The following PRKCE variants were observed in gnomAD, a reference collection of about 807,000 sequenced individuals.
The protein encoded by PRKCE is protein kinase C epsilon type.
Under a neutral mutation model 85.4 loss-of-function variants are expected in PRKCE, and 16 were observed. The observed-to-expected ratio is 0.19, with a 90% CI of 0.13 to 0.28. PRKCE has a LOEUF of 0.28. Among genes scored for constraint, PRKCE ranks in the 10% least tolerant of loss-of-function variants. PRKCE has a pLI of 1.00. For missense variants in PRKCE, 573 were observed against 975.2 expected (o/e 0.59, Z 5.49); for synonymous variants, 388 against 371.5 (o/e 1.04, Z -0.51).
At chr2:45,953,370 C>A (rs1232513244) in intron 2 of PRKCE, among the ~76,000 whole-genome samples, 1 of 152,222 alleles carries the variant, frequency 6.6e-6, no homozygotes, top group African/African-American at 2.4e-5. Flanking sequence ...CATTACTGGA[C>A]TCCCTGCCCA....
At position 46,086,308 on chromosome 2, in the gene PRKCE, C is replaced by T; in HGVS notation, c.1538C>T (p.Ala513Val). ...KFDEPRSRFY[A>V]AEVTSALMFL... is the part of the protein sequence containing the mutation. ...GACGAGCCTCGTTCACGGTTCTATG[C>T]TGCAGAGGTCACATCGGCCCTCATG... The change falls in exon 11 of 15, where the codon GCT becomes GTT. Residue 513 changes from alanine (A) to valine (V), a missense_variant. Physicochemically the swap from Ala to Val is moderately conservative, Grantham distance 64. This residue lies in a region of PRKCE where 89 missense variants were observed against 154.1 expected (regional missense o/e 0.58). Coordinates refer to ENST00000306156, the MANE Select transcript of PRKCE (RefSeq NM_005400.3). 3 of 1,599,686 alleles carry T rather than the reference C, an allele frequency of 1.9e-6. No individual in the cohort carries two copies. The South Asian group carries it at 3.3e-5, about 18-fold the overall frequency.
chr2:45,898,782 G>C (rs1696346748), intron 2 of PRKCE, among the ~76,000 whole-genome samples: 1 of 152,158 alleles, frequency 6.6e-6, no homozygotes, highest in Non-Finnish European at 1.5e-5. Flanking sequence ...GGGTGGCTCT[G>C]AGGAGGGAGT....
intron 6 of PRKCE, chr2:46,000,967 T>A (rs1259253443): frequency 6.6e-6 from 1 of 152,216 alleles, no homozygotes; most frequent in Non-Finnish European, 1.5e-5. Flanking sequence ...TGCTGCTGAC[T>A]TCTAAGCCCC....
chr2:45,745,087 G>T (rs969617003), intron 1 of PRKCE, among the ~76,000 whole-genome samples: 1 of 152,198 alleles, frequency 6.6e-6, no homozygotes, highest in East Asian at 1.9e-4. Flanking sequence ...GGGAGGCAGG[G>T]AGTGAGGGGA....
chr2:45,726,209 A>G (rs1681059430), intron 1 of PRKCE, among the ~76,000 whole-genome samples: 3 of 152,248 alleles, frequency 2.0e-5, no homozygotes, highest in Admixed American at 2.0e-4. Flanking sequence ...ATTCACTGAT[A>G]AAGCAGCAGC....
chr2:46,153,752 T>C (rs1226432419), intron 13 of PRKCE, among the ~76,000 whole-genome samples: 1 of 151,110 alleles, frequency 6.6e-6, no homozygotes, highest in Non-Finnish European at 1.5e-5. Context: ...CCTCTTCCTC[T>C]TCTTCCTCCT....
At chr2:46,048,350 G>A (rs936009995) in intron 10 of PRKCE, among the ~76,000 whole-genome samples, 1 of 152,156 alleles carries the variant, frequency 6.6e-6, no homozygotes, top group Non-Finnish European at 1.5e-5. Flanking sequence ...AGTCTCAAGG[G>A]TATTAACAAA....
At chr2:45,878,455 C>T (rs1021586341) in intron 2 of PRKCE, among the ~76,000 whole-genome samples, 32 of 152,316 alleles carry the variant, frequency 2.1e-4, no homozygotes, top group African/African-American at 6.7e-4. Context: ...CTTTCACTTG[C>T]GCCTCATCTT....
At chr2:45,868,784 AAAAAT>A (rs1219926733) in intron 2 of PRKCE, among the ~76,000 whole-genome samples, 1 of 150,306 alleles carries the variant, frequency 6.7e-6, no homozygotes, top group African/African-American at 2.4e-5. Context: ...TAAAAATACA[AAAAAT>A]AAAATAAAAT....
intron 11 of PRKCE, among the ~76,000 whole-genome samples, chr2:46,120,157 G>T (rs918605553): frequency 6.6e-6 from 1 of 152,176 alleles, no homozygotes; most frequent in Non-Finnish European, 1.5e-5. Context: ...AAGAGGAAAC[G>T]CACTGACCTC....
chr2:46,054,589 C>G (rs926439083), intron 10 of PRKCE, among the ~76,000 whole-genome samples: 12 of 152,210 alleles, frequency 7.9e-5, no homozygotes, highest in African/African-American at 2.9e-4. Context: ...CCCAACCATA[C>G]ACACAGAATC....
chr2:46,049,890 G>A (rs999375459), intron 10 of PRKCE, among the ~76,000 whole-genome samples: 2 of 152,208 alleles, frequency 1.3e-5, no homozygotes, highest in Admixed American at 1.3e-4. Context: ...ACCCGAGGCA[G>A]GTCCTTCTGT....
rs1303032114 is a variant in PRKCE at position 46,086,200 on chromosome 2, C to T, written c.1438-8C>T. 2.5e-6 allele frequency: 4 copies of T among 1,599,374 alleles called. No individual in the cohort carries two copies. Among genetic ancestry groups the T allele is most frequent in the South Asian group, 1.1e-5 (1 of 91,042 alleles). On this transcript the variant is annotated splice_region_variant and splice_polypyrimidine_tract_variant and intron_variant, in intron 10 of 14. Coordinates refer to ENST00000306156, the MANE Select transcript of PRKCE (RefSeq NM_005400.3). ...TGACCCAAATGGCATTTTCTTCTCT[C>T]CTTTCAGGACCGCCTCTTTTTCGTC...
chr2:45,712,053 A>G (rs2104375610), intron 1 of PRKCE, among the ~76,000 whole-genome samples: 1 of 152,096 alleles, frequency 6.6e-6, no homozygotes, highest in African/African-American at 2.4e-5. Flanking sequence ...TTACTTGAGT[A>G]AAGAATTACA....
chr2:46,140,778 A>G (rs1189565684), intron 11 of PRKCE, among the ~76,000 whole-genome samples: 1 of 152,204 alleles, frequency 6.6e-6, no homozygotes, highest in Non-Finnish European at 1.5e-5. Flanking sequence ...ATCTTCCTGT[A>G]TGCCCTTTCA....
chr2:45,745,007 G>A (rs1234447816), intron 1 of PRKCE, among the ~76,000 whole-genome samples: 2 of 152,176 alleles, frequency 1.3e-5, no homozygotes, highest in East Asian at 3.9e-4. Flanking sequence ...ACTCTGATAT[G>A]CCCTCTGCTT....
chr2:45,803,128 A>G (rs1033820942), intron 1 of PRKCE, among the ~76,000 whole-genome samples: 7 of 152,236 alleles, frequency 4.6e-5, no homozygotes, highest in South Asian at 2.1e-4. Flanking sequence ...AAAATTTAAC[A>G]TGTCTCAGAC....
intron 1 of PRKCE, among the ~76,000 whole-genome samples, chr2:45,690,301 G>GA (rs1343126424): frequency 2.0e-5 from 3 of 152,010 alleles, no homozygotes; most frequent in African/African-American, 7.2e-5. Context: ...GTCTGAGTAA[G>GA]AAAAAAAATA....
intron 1 of PRKCE, chr2:45,840,306 T>G (rs935655): frequency 0.77 from 116,965 of 151,622 alleles, 45,201 homozygotes; most frequent in Admixed American, 0.82. Flanking sequence ...TTGACTTTTG[T>G]CAGGGAGAAG....
Sources: gnomAD v4.1 joint callset for allele counts (sites outside exome capture counted in the v4.1 genomes callset) on GRCh38, gnomAD v4.1.1 for gene constraint, gnomAD v4.1.1 regional missense constraint, MANE v1.5 for transcripts, NCBI Gene and HGNC (gene_info 2026-07-23, HGNC 2026-07-21) for gene names.